Variants in CWC27 observed in about 807,000 individuals in gnomAD.
CWC27 encodes the protein CWC27 spliceosome associated cyclophilin.
A neutral mutation model predicts 63.6 loss-of-function variants in CWC27; 47 were observed. The ratio of observed to expected loss-of-function variants is 0.74; its 90% confidence interval spans 0.58 to 0.94. CWC27 has a LOEUF of 0.94. CWC27 is among the 40% of genes least tolerant of loss of function. The pLI is 0.00. For synonymous variants in CWC27, 175 were observed against 179.8 expected (o/e 0.97, Z 0.22); for missense variants, 495 against 554.3 (o/e 0.89, Z 1.07).
intron 10 of CWC27, among the ~76,000 whole-genome samples, chr5:64,829,935 T>A (rs1745468696): frequency 6.6e-6 from 1 of 151,702 alleles, no homozygotes; most frequent in Admixed American, 6.6e-5. Context: ...AGAATGGTGG[T>A]TTCCAGCTTC....
intron 11 of CWC27, among the ~76,000 whole-genome samples, chr5:64,941,308 C>T (rs890920865): frequency 8.5e-5 from 13 of 152,128 alleles, no homozygotes; most frequent in African/African-American, 3.1e-4. Flanking sequence ...TCTCAGTAAA[C>T]AGCTAAAAGA....
intron 13 of CWC27, among the ~76,000 whole-genome samples, chr5:64,980,094 AG>A (rs1374056437): frequency 2.6e-5 from 4 of 152,180 alleles, no homozygotes; most frequent in Non-Finnish European, 5.9e-5. Flanking sequence ...AAGTGTTATT[AG>A]TAGATCTAAA....
chr5:64,944,792 G>C (rs1178350402), intron 11 of CWC27, among the ~76,000 whole-genome samples: 1 of 152,140 alleles, frequency 6.6e-6, no homozygotes, highest in Non-Finnish European at 1.5e-5. Context: ...GTTTCTACAA[G>C]TGACCTCTGA....
At chr5:64,841,146 A>G (rs1196595227) in intron 10 of CWC27, among the ~76,000 whole-genome samples, 1 of 152,208 alleles carries the variant, frequency 6.6e-6, no homozygotes, top group African/African-American at 2.4e-5. Flanking sequence ...GGAGGCTGGG[A>G]AGTCCAAGAC....
intron 11 of CWC27, among the ~76,000 whole-genome samples, chr5:64,922,193 A>C (rs1409648230): frequency 6.6e-6 from 1 of 152,212 alleles, no homozygotes; most frequent in African/African-American, 2.4e-5. Flanking sequence ...TGAGATTGGA[A>C]ACATTTTCAT....
At chr5:64,779,681 T>C (rs956946169) in intron 2 of CWC27, among the ~76,000 whole-genome samples, 2 of 152,204 alleles carry the variant, frequency 1.3e-5, no homozygotes, top group African/African-American at 4.8e-5. Context: ...AGTCATTCTC[T>C]ATTCTCCCCT....
In CWC27 at chr5:65,018,086, G is replaced by A; in HGVS notation, c.1257-73G>A. ...TATGCTTATGTTTCATTATGTCGAT[G>A]ATAGTAGAGTATAGAATTTCTACTG... On this transcript the variant is annotated intron_variant, in intron 13 of 13. Transcript: ENST00000381070. 2.4e-6 allele frequency: 3 copies of A among 1,273,136 alleles called. No homozygotes were observed. In the South Asian group the frequency reaches 4.7e-5, roughly 20 times the overall value. The allele number at this position is 1,273,136 out of a possible 1,614,324, so 78.9% of individuals were successfully genotyped here. A position where few individuals can be genotyped will look rare whatever the true frequency, so the allele number is the denominator to read the frequency against.
At chr5:64,832,618 C>T (rs1209179077) in intron 10 of CWC27, among the ~76,000 whole-genome samples, 2 of 151,762 alleles carry the variant, frequency 1.3e-5, no homozygotes, top group Non-Finnish European at 3.0e-5. Context: ...TTCCATAACA[C>T]AAAATACTGT....
At chr5:64,971,672 C>T in intron 11 of CWC27, 31 bp from the exon 12 acceptor site, 1 of 1,506,820 alleles carries the variant, frequency 6.6e-7, no homozygotes, top group Non-Finnish European at 9.0e-7. Context: ...TATTTTACTG[C>T]TTATTCTAAA....
In CWC27 at chr5:64,926,712, T is replaced by C. The variant is rs143446050; in HGVS notation, c.1042+41166T>C. 1.5e-3 allele frequency among the ~76,000 whole-genome samples: 222 copies of C among 152,228 alleles called. 1 individual carries two copies. The highest frequency in any genetic ancestry group is 4.9e-3 in the African/African-American group (202 of 41,544). On this transcript the variant is annotated intron_variant, in intron 11 of 13. Transcript: ENST00000381070. The stretch of plus-strand genomic sequence containing the variant: ...AAGATTAGTGTTGGAAAACACATTA[T>C]TGGGGCAGACTTCAAATAAAGAGAA...
intron 11 of CWC27, among the ~76,000 whole-genome samples, chr5:64,902,748 A>G (rs1201254340): frequency 6.6e-6 from 1 of 151,938 alleles, no homozygotes; most frequent in Non-Finnish European, 1.5e-5. Context: ...AATTTCTACG[A>G]AAAAAAAGCC....
intron 6 of CWC27, among the ~76,000 whole-genome samples, chr5:64,787,285 T>A (rs1743922188): frequency 6.6e-6 from 1 of 152,198 alleles, no homozygotes; most frequent in Admixed American, 6.5e-5. Flanking sequence ...TCAGGTGCAG[T>A]ATATCTTAAA....
At chr5:64,774,876 A>C (rs1010748321) in intron 2 of CWC27, 89 bp downstream of exon 2, 2 of 739,114 alleles carry the variant, frequency 2.7e-6, no homozygotes, top group Non-Finnish European at 4.5e-6. Context: ...GACTAGTGTT[A>C]AATAGTGGTC....
intron 11 of CWC27, among the ~76,000 whole-genome samples, chr5:64,947,706 AAAG>A (rs1209792575): frequency 2.0e-5 from 3 of 152,104 alleles, no homozygotes; most frequent in East Asian, 3.9e-4. Context: ...GAAAGAGAGA[AAAG>A]AAGTATCAGA....
At chr5:64,890,558 T>C (rs1747208777) in intron 11 of CWC27, among the ~76,000 whole-genome samples, 1 of 152,162 alleles carries the variant, frequency 6.6e-6, no homozygotes, top group Non-Finnish European at 1.5e-5. Flanking sequence ...TATTTTTTTT[T>C]TCTTGGAACC....
At chr5:64,804,537 G>T (rs1426649236) in intron 10 of CWC27, 151 bp downstream of exon 10, 1 of 705,102 alleles carries the variant, frequency 1.4e-6, no homozygotes, top group Non-Finnish European at 2.2e-6. Flanking sequence ...CCATTAGCAG[G>T]CCTAAAATAA....
intron 10 of CWC27, among the ~76,000 whole-genome samples, chr5:64,864,643 A>T (rs1252767937): frequency 6.6e-6 from 1 of 152,142 alleles, no homozygotes; most frequent in Non-Finnish European, 1.5e-5. Context: ...TAAATTTCCG[A>T]ATTAGGATAA....
At chr5:64,889,727 T>C (rs1747178009) in intron 11 of CWC27, among the ~76,000 whole-genome samples, 1 of 152,156 alleles carries the variant, frequency 6.6e-6, no homozygotes, top group South Asian at 2.1e-4. Context: ...CACCCTAATT[T>C]AGGTAAACAA....
chr5:64,881,002 C>G (rs916736508), intron 10 of CWC27, among the ~76,000 whole-genome samples: 1 of 151,688 alleles, frequency 6.6e-6, no homozygotes, highest in African/African-American at 2.4e-5. Flanking sequence ...CTCATTTGAA[C>G]ATATTTAAAT....
Sources: gnomAD v4.1 joint callset for allele counts (sites outside exome capture counted in the v4.1 genomes callset) on GRCh38, gnomAD v4.1.1 for gene constraint, MANE v1.5 for transcripts, NCBI Gene and HGNC (gene_info 2026-07-23, HGNC 2026-07-21) for gene names.